KIF27: variants seen among roughly 807,000 people sequenced by gnomAD.
KIF27 encodes the protein kinesin family member 27, also known as kinesin-like protein KIF27.
KIF27 carries 84 observed loss-of-function variants against 141.8 expected under a neutral mutation model. The ratio of observed to expected loss-of-function variants is 0.59; its 90% CI spans 0.50 to 0.71. The LOEUF is 0.71. KIF27 is among the 30% of genes least tolerant of loss of function. The pLI, the probability that KIF27 is intolerant of heterozygous loss-of-function variation, is 0.00. For missense variants in KIF27, 1,306 were observed against 1,628.4 expected (o/e 0.80, Z 3.41); for synonymous variants, 471 against 569.5 (o/e 0.83, Z 2.46).
intron 4 of KIF27, 29 bp from the exon 5 acceptor site, chr9:83,899,833 T>A (rs771475026): frequency 2.5e-6 from 4 of 1,580,734 alleles, no homozygotes; most frequent in Admixed American, 1.7e-5. Context: ...ACAAGTGACA[T>A]TCACCACAGA....
At chr9:83,878,524 G>A (rs529738888) in intron 11 of KIF27, among the ~76,000 whole-genome samples, 2 of 152,266 alleles carry the variant, frequency 1.3e-5, no homozygotes, top group South Asian at 2.1e-4. Flanking sequence ...ATGGATGAAT[G>A]GATAAAGAAC....
chr9:83,855,216 G>A (rs1949062587), intron 14 of KIF27: 1 of 152,162 alleles, frequency 6.6e-6, no homozygotes, highest in African/African-American at 2.4e-5. Context: ...TGTATTTTTA[G>A]TTGAGAAGGG....
intron 3 of KIF27, among the ~76,000 whole-genome samples, chr9:83,908,082 T>C (rs1457611177): frequency 1.3e-5 from 2 of 151,896 alleles, no homozygotes; most frequent in African/African-American, 4.8e-5. Flanking sequence ...ACCAACATGG[T>C]GAAATCCCGT....
chr9:83,903,008 T>G (rs1417232174), intron 4 of KIF27, 52 bp downstream of exon 4: 2 of 1,131,250 alleles, frequency 1.8e-6, no homozygotes, highest in African/African-American at 3.2e-5. Flanking sequence ...TATGTACATC[T>G]ATTATGTATC....
chr9:83,875,580 G>C (rs1369750014), intron 11 of KIF27, among the ~76,000 whole-genome samples: 4 of 152,288 alleles, frequency 2.6e-5, no homozygotes, highest in Middle Eastern at 3.4e-3. Context: ...GCAGAGACCA[G>C]AGCCATGAGG....
At chr9:83,859,655 C>T (rs1949665972) in intron 13 of KIF27, 1 of 323,746 alleles carries the variant, frequency 3.1e-6, no homozygotes, top group Non-Finnish European at 5.7e-6. Context: ...CTTCAGCCTC[C>T]CTGGTTGCTG....
chr9:83,891,592 A>G (rs1436431109), intron 5 of KIF27, 91 bp from the exon 6 acceptor site: 6 of 1,162,360 alleles, frequency 5.2e-6, no homozygotes, highest in Non-Finnish European at 6.0e-6. Flanking sequence ...GACCAAAATC[A>G]TAACTACTTT....
chr9:83,847,184 G>A (rs1947391345), intron 16 of KIF27, among the ~76,000 whole-genome samples: 1 of 152,162 alleles, frequency 6.6e-6, no homozygotes, highest in South Asian at 2.1e-4. Context: ...TACAGAATGG[G>A]TAGCAGAAGA....
At chr9:83,882,937 G>A (rs1459855687) in intron 10 of KIF27, among the ~76,000 whole-genome samples, 4 of 152,080 alleles carry the variant, frequency 2.6e-5, no homozygotes, top group Admixed American at 6.6e-5. Context: ...GATGTTTGAG[G>A]TGGCATCAGA....
chr9:83,864,497 T>C (rs1453470591), intron 13 of KIF27, among the ~76,000 whole-genome samples: 1 of 152,266 alleles, frequency 6.6e-6, no homozygotes, highest in East Asian at 1.9e-4. Flanking sequence ...AGTGAGTTTC[T>C]TAATCCTGAG....
At chr9:83,912,141 T>G (rs1310341825) in intron 2 of KIF27, among the ~76,000 whole-genome samples, 2 of 152,174 alleles carry the variant, frequency 1.3e-5, no homozygotes, top group Admixed American at 1.3e-4. Context: ...AGCTGAGACT[T>G]TAAAAGTTTC....
intron 15 of KIF27, among the ~76,000 whole-genome samples, chr9:83,850,534 G>GT (rs1948429475): frequency 6.6e-6 from 1 of 151,802 alleles, no homozygotes; most frequent in African/African-American, 2.4e-5. Flanking sequence ...AGTCCCAGCA[G>GT]TTTGGGAGGC....
intron 8 of KIF27, 90 bp from the exon 9 acceptor site, chr9:83,887,286 A>C (rs1952194890): frequency 2.4e-6 from 2 of 841,120 alleles, no homozygotes; most frequent in Non-Finnish European, 3.4e-6. Flanking sequence ...CTCAAAAGCA[A>C]TTTAGAGGTG....
At chr9:83,854,168 G>A (rs887604462) in intron 14 of KIF27, among the ~76,000 whole-genome samples, 2 of 152,066 alleles carry the variant, frequency 1.3e-5, no homozygotes, top group East Asian at 1.9e-4. Context: ...TCTAATCCAC[G>A]GAATATACTT....
At chr9:83,845,039 C>T (rs1333393254) in intron 16 of KIF27, among the ~76,000 whole-genome samples, 1 of 152,140 alleles carries the variant, frequency 6.6e-6, no homozygotes, top group Non-Finnish European at 1.5e-5. Flanking sequence ...GTGCAAGCTG[C>T]TCTGCCACTT....
chr9:83,881,121 T>C (rs1951641821), intron 10 of KIF27, among the ~76,000 whole-genome samples: 1 of 151,916 alleles, frequency 6.6e-6, no homozygotes, highest in Admixed American at 6.6e-5. Flanking sequence ...GCTGATAACA[T>C]CTTCCCTGAG....
In KIF27 at chr9:83,888,549, A is replaced by T; in HGVS notation, c.2023T>A (p.Ser675Thr). The change falls in exon 8 of 18, where the codon TCC becomes ACC. Residue 675 changes from serine (S) to threonine (T), a missense_variant. Physicochemically the swap from Ser to Thr is moderately conservative, Grantham distance 58 (BLOSUM62 1). Around this residue, in one of 4 missense-constraint regions of KIF27, gnomAD observed 596 missense variants for 751.6 expected, o/e 0.79. Transcript: ENST00000297814. ...SWIQKPDSVCSLVELSDTQDE... is the reference protein window; with the variant it reads ...SWIQKPDSVCTLVELSDTQDE... ...TGAGTATCACTCAATTCAACAAGGG[A>T]ACAAACAGAGTCTGGCTTCTGAATC... 6.2e-7 allele frequency: 1 copy of T among 1,601,012 alleles called. No individual in the cohort carries two copies. The highest frequency in any genetic ancestry group is 8.5e-7 in the Non-Finnish European group (1 of 1,173,082).
intron 1 of KIF27, among the ~76,000 whole-genome samples, chr9:83,919,821 C>T (rs1404152834): frequency 6.6e-6 from 1 of 151,968 alleles, no homozygotes; most frequent in Non-Finnish European, 1.5e-5. Context: ...CTCCTGAAAA[C>T]AAAACAAAAC....
rs749127015 is a variant in KIF27 at position 83,891,407 on chromosome 9, T to C, written c.1697A>G (p.Asn566Ser). ...NLSVTSSAKENCGDGPDARIP... is the reference protein window; with the variant it reads ...NLSVTSSAKESCGDGPDARIP... ...CCTGGCATCTGGCCCATCTCCACAA[T>C]TTTCTTTAGCTGAAGAAGTCACTGA... is the stretch of plus-strand genomic sequence containing the variant. The change falls in exon 6 of 18, where the codon AAT becomes AGT. Residue 566 changes from asparagine (N) to serine (S), a missense_variant. Around this residue, in one of 4 missense-constraint regions of KIF27, gnomAD observed 596 missense variants for 751.6 expected, o/e 0.79. Transcript: ENST00000297814. The C allele has an allele frequency of 8.7e-6, 14 of 1,613,960 alleles. No homozygotes were observed. Among genetic ancestry groups the C allele is most frequent in the Non-Finnish European group, 1.2e-5 (14 of 1,179,876 alleles).
Sources: gnomAD v4.1 joint callset for allele counts (sites outside exome capture counted in the v4.1 genomes callset) on GRCh38, gnomAD v4.1.1 for gene constraint, gnomAD v4.1.1 regional missense constraint, MANE v1.5 for transcripts, NCBI Gene and HGNC (gene_info 2026-07-23, HGNC 2026-07-21) for gene names.